GSTCD: variants seen among roughly 807,000 people sequenced by gnomAD.
The protein encoded by GSTCD is glutathione S-transferase C-terminal domain containing.
A neutral mutation model predicts 68.3 loss-of-function variants in GSTCD; 44 were observed. That is an observed-to-expected ratio of 0.64 (90% CI 0.51 to 0.83). The LOEUF (loss-of-function observed/expected upper bound fraction) is 0.83. Among genes scored for constraint, GSTCD ranks in the 40% least tolerant of loss-of-function variants. The pLI is 0.00. For missense variants in GSTCD, 739 were observed against 735.9 expected (o/e 1.00, Z -0.05); for synonymous variants, 273 against 255.2 (o/e 1.07, Z -0.67).
chr4:105,773,936 G>A (rs192083580), intron 5 of GSTCD, among the ~76,000 whole-genome samples: 4 of 152,148 alleles, frequency 2.6e-5, no homozygotes, highest in African/African-American at 9.6e-5. Flanking sequence ...CATTGGTCTG[G>A]CTAATATTGA....
At chr4:105,765,992 C>T (rs1347819176) in intron 5 of GSTCD, among the ~76,000 whole-genome samples, 1 of 152,128 alleles carries the variant, frequency 6.6e-6, no homozygotes, top group East Asian at 1.9e-4. Context: ...TTTGTAGCAG[C>T]GTGAGAACAG....
chr4:105,757,978 A>G (rs1478748732), intron 5 of GSTCD, among the ~76,000 whole-genome samples: 1 of 152,196 alleles, frequency 6.6e-6, no homozygotes, highest in Non-Finnish European at 1.5e-5. Flanking sequence ...CTATCTTTTT[A>G]TTATACAGTG....
intron 5 of GSTCD, among the ~76,000 whole-genome samples, chr4:105,781,735 AATTT>A (rs1438889909): frequency 6.6e-6 from 1 of 152,062 alleles, no homozygotes; most frequent in Non-Finnish European, 1.5e-5. Flanking sequence ...ATAAAATCTA[AATTT>A]TTGGAATATT....
At chr4:105,830,702 T>G (rs1048849235) in intron 8 of GSTCD, among the ~76,000 whole-genome samples, 12 of 152,090 alleles carry the variant, frequency 7.9e-5, no homozygotes, top group Admixed American at 6.5e-4. Flanking sequence ...GACCAATTAT[T>G]TGAAAGTTTT....
chr4:105,778,445 T>C (rs1318444691), intron 5 of GSTCD, among the ~76,000 whole-genome samples: 1 of 152,154 alleles, frequency 6.6e-6, no homozygotes, highest in Non-Finnish European at 1.5e-5. Context: ...AAAGAAAACA[T>C]TTATTTTAAA....
intron 5 of GSTCD, among the ~76,000 whole-genome samples, chr4:105,802,813 A>G (rs1233680432): frequency 6.6e-6 from 1 of 152,140 alleles, no homozygotes; most frequent in African/African-American, 2.4e-5. Context: ...TTGTAAAGCT[A>G]TAATAACACC....
chr4:105,806,364 G>A (rs1251256668), intron 5 of GSTCD, among the ~76,000 whole-genome samples: 1 of 152,062 alleles, frequency 6.6e-6, no homozygotes, highest in Non-Finnish European at 1.5e-5. Context: ...TTTCAGTACA[G>A]GAGATAAGGT....
chr4:105,840,504 C>T (rs1173881382), intron 10 of GSTCD, among the ~76,000 whole-genome samples: 1 of 152,116 alleles, frequency 6.6e-6, no homozygotes, highest in Non-Finnish European at 1.5e-5. Flanking sequence ...AAAATGGAGG[C>T]TTCAAATTTA....
intron 5 of GSTCD, among the ~76,000 whole-genome samples, chr4:105,791,392 CAAA>C (rs56388145): frequency 1.7e-5 from 1 of 57,306 alleles, no homozygotes. Flanking sequence ...GACTCCGTCT[CAAA>C]AAAAAAAAAA....
chr4:105,720,542 CTT>C (rs2149206433), intron 3 of GSTCD, among the ~76,000 whole-genome samples: 1 of 152,300 alleles, frequency 6.6e-6, no homozygotes, highest in Admixed American at 6.5e-5. Flanking sequence ...GAACATTTCT[CTT>C]TTCCTCAAAA....
intron 5 of GSTCD, among the ~76,000 whole-genome samples, chr4:105,786,450 T>G (rs1735469045): frequency 6.6e-6 from 1 of 151,030 alleles, no homozygotes; most frequent in African/African-American, 2.4e-5. Context: ...AGGCGAAGGT[T>G]GCAGTGAACC....
At chr4:105,840,104 A>G (rs1236609090) in intron 10 of GSTCD, 13 of 409,140 alleles carry the variant, frequency 3.2e-5, no homozygotes, top group Non-Finnish European at 4.4e-5. Context: ...CCCTTTCAGA[A>G]CTTGATTTTG....
intron 5 of GSTCD, among the ~76,000 whole-genome samples, chr4:105,732,527 G>A (rs112175535): frequency 0.032 from 4,894 of 151,988 alleles, 241 homozygotes; most frequent in African/African-American, 0.1. Context: ...TCTTGGGATC[G>A]GTGGTGATAT....
rs1484575766 is a variant in GSTCD at position 105,846,496 on chromosome 4, A to G, written c.*919A>G. On this transcript the variant is annotated 3_prime_UTR_variant, in exon 12 of 12. Transcript: ENST00000515279. ...ATGTGGAATTTGGACATACATTTTA[A>G]CAATAAGTACATTGATTAATACATT... 1 of 152,194 alleles carries G rather than the reference A, an allele frequency of 6.6e-6. No individual in the cohort carries two copies. Among genetic ancestry groups the G allele is most frequent in the African/African-American group, 2.4e-5 (1 of 41,444 alleles). 9.4% of individuals were successfully genotyped at this position (152,194 alleles called of 1,614,324 possible).
chr4:105,751,506 ACAGT>A (rs1206069122), intron 5 of GSTCD, among the ~76,000 whole-genome samples: 2 of 152,196 alleles, frequency 1.3e-5, no homozygotes, highest in African/African-American at 4.8e-5. Context: ...CCTTTGACAG[ACAGT>A]CAGACTTCAC....
chr4:105,840,417 T>C (rs1259939201), intron 10 of GSTCD: 2 of 229,694 alleles, frequency 8.7e-6, no homozygotes, highest in Non-Finnish European at 1.8e-5. Context: ...CATTAAAATG[T>C]TTTTTTTAAG....
intron 5 of GSTCD, among the ~76,000 whole-genome samples, chr4:105,758,963 T>G (rs1734298342): frequency 6.6e-6 from 1 of 152,250 alleles, no homozygotes; most frequent in Non-Finnish European, 1.5e-5. Flanking sequence ...CATCATTTTT[T>G]GTCAATTTGA....
intron 1 of GSTCD, among the ~76,000 whole-genome samples, chr4:105,709,569 G>C (rs1395365264): frequency 2.0e-4 from 31 of 152,158 alleles, no homozygotes; most frequent in Admixed American, 2.0e-3. Context: ...AGTTTAATTT[G>C]CATGAAAGTT....
intron 5 of GSTCD, among the ~76,000 whole-genome samples, chr4:105,822,495 T>G (rs1489927469): frequency 6.6e-6 from 1 of 152,140 alleles, no homozygotes; most frequent in African/African-American, 2.4e-5. Context: ...TATGGATCTC[T>G]CTATAAGGAG....
Sources: allele counts gnomAD v4.1 joint callset (sites outside exome capture counted in the v4.1 genomes callset), GRCh38; gene constraint gnomAD v4.1.1; transcripts MANE v1.5; gene names NCBI Gene and HGNC (gene_info 2026-07-23, HGNC 2026-07-21).